The following USP6NL variants were observed in gnomAD, a reference collection of about 807,000 sequenced individuals.
USP6NL encodes USP6 N-terminal like.
USP6NL carries 26 observed loss-of-function variants against 61.9 expected under a neutral mutation model. The observed-to-expected ratio is 0.42, with a 90% CI of 0.31 to 0.58. The LOEUF is 0.58. USP6NL is among the 20% of genes least tolerant of loss of function. The pLI is 0.16. For synonymous variants in USP6NL, 432 were observed against 390.1 expected, an observed-to-expected ratio of 1.11 and a Z score of -1.27; for missense variants, 1,114 against 1,034.3, an observed-to-expected ratio of 1.08 and a Z score of -1.06.
In USP6NL at chr10:11,581,953, T is replaced by C. The variant is rs533514124; in HGVS notation, c.4+15678A>G. 4.6e-5 allele frequency among the ~76,000 whole-genome samples: 7 copies of C among 151,896 alleles called. No individual in the cohort carries two copies. In the East Asian group the frequency reaches 1.2e-3, roughly 25 times the overall value. ...ACGCCGGGCTAATTTTTGGTGGCGG[T>C]GGTGGTGGTGGTGGTTGTTGTTGTT... On this transcript the variant is annotated intron_variant, in intron 2 of 14. Transcript: ENST00000609104.
In USP6NL at chr10:11,507,146, G is replaced by A. The variant is rs534353602; in HGVS notation, c.276+2449C>T. Among the ~76,000 whole-genome samples the A allele has an allele frequency of 1.4e-4, 21 of 152,252 alleles. No individual in the cohort carries two copies. The East Asian group carries it at 2.1e-3, about 15-fold the overall frequency. On this transcript the variant is annotated intron_variant, in intron 6 of 14. Transcript: ENST00000609104. ...GAATAATAGCCCAGTAGAATTGTTC[G>A]TTTTTAGAGAGGCTTACGTACTTTC...
intron 2 of USP6NL, among the ~76,000 whole-genome samples, chr10:11,568,227 T>G (rs1837237430): frequency 6.6e-6 from 1 of 151,966 alleles, no homozygotes; most frequent in Admixed American, 6.6e-5. Flanking sequence ...CATTATGAAT[T>G]GACACTGTAA....
rs370583687 is a variant in USP6NL at position 11,462,821 on chromosome 10, C to G, written c.2107G>C (p.Val703Leu). The G allele has an allele frequency of 1.9e-6, 3 of 1,613,878 alleles. No individual in the cohort carries two copies. Among genetic ancestry groups the G allele is most frequent in the Non-Finnish European group, 2.5e-6 (3 of 1,179,904 alleles). ...GAATATCCCCCAGCACCAGTGTCAA[C>G]AGGGAGGACTTCTATTCGACTAGAC... is the stretch of plus-strand genomic sequence containing the variant. The part of the protein sequence containing the change: ...LPSSRIEVLP[V>L]DTGAGGYSGN... Residue 703 changes from valine to leucine, a missense_variant, in exon 15 of 15, where the codon GTT becomes CTT. By Grantham distance (32) the Val-to-Leu change is conservative (BLOSUM62 1). Transcript: ENST00000609104.
chr10:11,525,022 T>A lies in USP6NL; in HGVS notation c.155+364A>T, dbSNP rs572137005. The stretch of plus-strand genomic sequence containing the variant: ...TTACAAGGCTAATTTTCAGGCTGCA[T>A]AACACTAAAGTTCGAATTGCTATTT... On this transcript the variant is annotated intron_variant, in intron 4 of 14. Transcript: ENST00000609104. This position sits in a 1 kb window ranked among gnomAD's most constrained non-coding sequence, Gnocchi z 5.0. Among the ~76,000 whole-genome samples the A allele has an allele frequency of 2.4e-3, 362 of 152,338 alleles. No individual in the cohort carries two copies. Among genetic ancestry groups the A allele is most frequent in the Non-Finnish European group, 4.3e-3 (291 of 68,014 alleles).
Position 11,591,467 on chromosome 10 carries a change from A to G in USP6NL, c.4+6164T>C, listed in dbSNP as rs928379015. ...AGTAGGTATATAATTTGAAATTTTA[A>G]GATTTAACTAGTAAAAATAATTCAG... On this transcript the variant is annotated intron_variant, in intron 2 of 14. Coordinates refer to ENST00000609104, the MANE Select transcript of USP6NL (RefSeq NM_014688.5). This position sits in a 1 kb window ranked among gnomAD's most constrained non-coding sequence, Gnocchi z 4.7. 3.3e-5 allele frequency among the ~76,000 whole-genome samples: 5 copies of G among 152,200 alleles called. No individual in the cohort carries two copies. The highest frequency in any genetic ancestry group is 7.3e-5 in the Non-Finnish European group (5 of 68,042).
At chr10:11,541,980 T>A (rs1836084627) in intron 2 of USP6NL, among the ~76,000 whole-genome samples, 1 of 152,196 alleles carries the variant, frequency 6.6e-6, no homozygotes, top group South Asian at 2.1e-4. Context: ...TTATAAGGTT[T>A]TAGATGGAAA....
Position 11,460,907 on chromosome 10 carries a change from C to T in USP6NL, c.*1534G>A, listed in dbSNP as rs1207770577. Reference sequence around the variant, plus strand: ...TGTAGTGTTTAGCTTTAATACACTGCACTTGTTTTGCTATTTAATAACATC... The same window carrying T: ...TGTAGTGTTTAGCTTTAATACACTGTACTTGTTTTGCTATTTAATAACATC... On this transcript the variant is annotated 3_prime_UTR_variant, in exon 15 of 15. Transcript: ENST00000609104. 6.6e-6 allele frequency: 1 copy of T among 152,148 alleles called. No individual in the cohort carries two copies. The allele number at this position is 152,148 out of a possible 1,614,324, so 9.4% of individuals were successfully genotyped here.
In USP6NL at chr10:11,525,333, G is replaced by T; in HGVS notation, c.155+53C>A. 3 of 1,396,378 alleles carry T rather than the reference G, an allele frequency of 2.1e-6. No individual in the cohort carries two copies. Among genetic ancestry groups the T allele is most frequent in the South Asian group, 2.6e-5 (2 of 76,012 alleles). 86.5% of individuals were successfully genotyped at this position (1,396,378 alleles called of 1,614,324 possible). A position where few individuals can be genotyped will look rare whatever the true frequency, so the allele number is the denominator to read the frequency against. On this transcript the variant is annotated intron_variant, in intron 4 of 14. Transcript: ENST00000609104. This position sits in a 1 kb window ranked among gnomAD's most constrained non-coding sequence, Gnocchi z 5.0. ...AATAAAGAAAATCAATATAATAGGT[G>T]ACCACAGAAACGTTATAATCTAAAA...
At chr10:11,579,714 T>C (rs538906936) in intron 2 of USP6NL, among the ~76,000 whole-genome samples, 1 of 152,364 alleles carries the variant, frequency 6.6e-6, no homozygotes, top group South Asian at 2.1e-4. Context: ...CAGTGAATTT[T>C]AGCTATTCAC....
In USP6NL at chr10:11,468,755, C is replaced by T. The variant is rs1296660373; in HGVS notation, c.1079-4906G>A. ...AGATTTTCATTCTGGAATCCTTTAGCCACAGAGGAGGCACATATCAGTAAA... is the reference window on the plus strand; with the variant it reads ...AGATTTTCATTCTGGAATCCTTTAGTCACAGAGGAGGCACATATCAGTAAA... On this transcript the variant is annotated intron_variant, in intron 14 of 14. Transcript: ENST00000609104. This position sits in a 1 kb window ranked among gnomAD's most constrained non-coding sequence, Gnocchi z 4.5. Among the ~76,000 whole-genome samples the T allele has an allele frequency of 6.6e-6, 1 of 152,154 alleles. No individual in the cohort carries two copies. Among genetic ancestry groups the T allele is most frequent in the Non-Finnish European group, 1.5e-5 (1 of 68,032 alleles).
At chr10:11,580,097 A>C (rs1366313028) in intron 2 of USP6NL, among the ~76,000 whole-genome samples, 1 of 149,644 alleles carries the variant, frequency 6.7e-6, no homozygotes, top group Non-Finnish European at 1.5e-5. Flanking sequence ...CACGAGAATT[A>C]TCTAGCCCCA....
intron 2 of USP6NL, among the ~76,000 whole-genome samples, chr10:11,559,572 CAT>C (rs34720596): frequency 1.3e-5 from 2 of 151,808 alleles, no homozygotes; most frequent in Middle Eastern, 3.4e-3. Flanking sequence ...TCCAAACATA[CAT>C]ATATATATAT....
chr10:11,550,438 T>C (rs1257326519), intron 2 of USP6NL, among the ~76,000 whole-genome samples: 1 of 152,060 alleles, frequency 6.6e-6, no homozygotes, highest in Non-Finnish European at 1.5e-5. Flanking sequence ...CTGTTTTTTG[T>C]TTTTTCGGGT....
rs374881735 is a variant in USP6NL at position 11,542,833 on chromosome 10, T to G, written c.5-15266A>C. Among the ~76,000 whole-genome samples, 18 of 152,248 alleles carry G rather than the reference T, an allele frequency of 1.2e-4. No individual in the cohort carries two copies. The South Asian group carries it at 1.5e-3, about 12-fold the overall frequency. On this transcript the variant is annotated intron_variant, in intron 2 of 14. Transcript: ENST00000609104. ...GACCCCCAGCAACAGGAATGGCTAT[T>G]TGAACAGCAGCAGCTGCGTCGACAG... is the stretch of plus-strand genomic sequence containing the variant.
In USP6NL at chr10:11,474,731, A is replaced by G. The variant is rs1177367165; in HGVS notation, c.1078+7039T>C. Among the ~76,000 whole-genome samples the G allele has an allele frequency of 1.3e-5, 2 of 152,210 alleles. No homozygotes were observed. Among genetic ancestry groups the G allele is most frequent in the Non-Finnish European group, 1.5e-5 (1 of 68,034 alleles). On this transcript the variant is annotated intron_variant, in intron 14 of 14. Transcript: ENST00000609104. The surrounding 1 kb of genome is among the most constrained non-coding windows in gnomAD (Gnocchi z 4.9). ...TAAAAAAAACTTGCATCAACAAATG[A>G]CTACTGCAAAGGGCTGCTGGAAAAA... is the stretch of plus-strand genomic sequence containing the variant.
chr10:11,604,475 ACC>A, intron 1 of USP6NL, among the ~76,000 whole-genome samples: 1 of 152,338 alleles, frequency 6.6e-6, no homozygotes, highest in East Asian at 1.9e-4. Flanking sequence ...GTCAGAGGTA[ACC>A]CTCAGTTTCA....
chr10:11,511,485 T>G lies in USP6NL; in HGVS notation c.196-1810A>C, dbSNP rs573527528. Among the ~76,000 whole-genome samples, 3 of 152,320 alleles carry G rather than the reference T, an allele frequency of 2.0e-5. No individual in the cohort carries two copies. Among genetic ancestry groups the G allele is most frequent in the African/African-American group, 7.2e-5 (3 of 41,566 alleles). The stretch of plus-strand genomic sequence containing the variant: ...TTTCTCCCCTGACTTCTTCAAAGCA[T>G]AATCCTTTTTTCCACCAACAGGAAA... On this transcript the variant is annotated intron_variant, in intron 5 of 14. Transcript: ENST00000609104. The surrounding 1 kb of genome is among the most constrained non-coding windows in gnomAD (Gnocchi z 4.9).
intron 14 of USP6NL, among the ~76,000 whole-genome samples, chr10:11,469,760 A>T (rs1347637237): frequency 6.6e-6 from 1 of 152,228 alleles, no homozygotes; most frequent in Non-Finnish European, 1.5e-5. Flanking sequence ...TGCCCAGATC[A>T]GACTACAGGG....
At chr10:11,467,849 G>A (rs557966163) in intron 14 of USP6NL, among the ~76,000 whole-genome samples, 1 of 152,292 alleles carries the variant, frequency 6.6e-6, no homozygotes, top group South Asian at 2.1e-4. Context: ...ATTAATCTGA[G>A]TAACAGAGAA....
Sources: allele counts gnomAD v4.1 joint callset (sites outside exome capture counted in the v4.1 genomes callset), GRCh38; gene constraint gnomAD v4.1.1; non-coding constraint Gnocchi (gnomAD v3.1); transcripts MANE v1.5; gene names NCBI Gene and HGNC (gene_info 2026-07-23, HGNC 2026-07-21).